Variants in RORA observed in about 807,000 individuals in gnomAD.
The protein encoded by RORA is RAR related orphan receptor A.
RORA carries 7 observed loss-of-function variants against 69.5 expected under a neutral mutation model. The ratio of observed to expected loss-of-function variants is 0.10; its 90% CI spans 0.06 to 0.19. The LOEUF is 0.19. Among genes scored for constraint, RORA ranks in the 10% least tolerant of loss-of-function variants. RORA has a pLI of 1.00. For missense variants in RORA, 457 were observed against 663.0 expected (o/e 0.69, Z 3.41); for synonymous variants, 261 against 240.8 (o/e 1.08, Z -0.78).
chr15:60,705,884 A>C (rs2071055940), intron 1 of RORA, among the ~76,000 whole-genome samples: 1 of 152,176 alleles, frequency 6.6e-6, no homozygotes. Flanking sequence ...TTTATATAGA[A>C]TCTTTCTCCA....
At chr15:60,802,252 C>T (rs945970930) in intron 1 of RORA, among the ~76,000 whole-genome samples, 56 of 152,188 alleles carry the variant, frequency 3.7e-4, no homozygotes, top group African/African-American at 1.3e-3. Flanking sequence ...TCCTCATCTG[C>T]GTATGTGAAT....
intron 2 of RORA, among the ~76,000 whole-genome samples, chr15:60,607,869 T>C (rs985450823): frequency 6.6e-6 from 1 of 152,240 alleles, no homozygotes; most frequent in Non-Finnish European, 1.5e-5. Flanking sequence ...AAGAAAGCCA[T>C]AGACACAACT....
chr15:60,722,186 T>C (rs183258701), intron 1 of RORA, among the ~76,000 whole-genome samples: 20 of 152,368 alleles, frequency 1.3e-4, no homozygotes, highest in African/African-American at 4.1e-4. Context: ...TTTATTTTCT[T>C]ATGTTCTGAA....
intron 1 of RORA, among the ~76,000 whole-genome samples, chr15:60,958,470 G>T (rs1430641638): frequency 6.6e-6 from 1 of 152,032 alleles, no homozygotes; most frequent in East Asian, 1.9e-4. Flanking sequence ...TATAAATTTT[G>T]CCCCTGAAAC....
At chr15:61,171,317 C>G (rs1470612531) in intron 1 of RORA, among the ~76,000 whole-genome samples, 1 of 152,102 alleles carries the variant, frequency 6.6e-6, no homozygotes, top group Non-Finnish European at 1.5e-5. Flanking sequence ...CAATGAGAGG[C>G]CTAAGTGCTT....
At chr15:61,145,968 A>T (rs1208741966) in intron 1 of RORA, among the ~76,000 whole-genome samples, 1 of 152,186 alleles carries the variant, frequency 6.6e-6, no homozygotes, top group African/African-American at 2.4e-5. Context: ...CTTCTCTCAA[A>T]CATCAGGACA....
At chr15:61,089,765 C>G (rs980902457) in intron 1 of RORA, among the ~76,000 whole-genome samples, 1 of 152,178 alleles carries the variant, frequency 6.6e-6, no homozygotes, top group African/African-American at 2.4e-5. Context: ...GCTCTGAAGT[C>G]CTGGGATTGG....
At chr15:60,779,174 A>C (rs752554829) in intron 1 of RORA, among the ~76,000 whole-genome samples, 2 of 152,222 alleles carry the variant, frequency 1.3e-5, no homozygotes, top group African/African-American at 2.4e-5. Context: ...TGCAAAGTGA[A>C]GGCTCATCAG....
At chr15:60,523,851 T>C (rs948574348) in intron 3 of RORA, among the ~76,000 whole-genome samples, 2 of 152,212 alleles carry the variant, frequency 1.3e-5, no homozygotes, top group African/African-American at 2.4e-5. Flanking sequence ...TTTAAATTTT[T>C]TGTAGAGGAG....
At chr15:61,193,834 T>C (rs28431994) in intron 1 of RORA, among the ~76,000 whole-genome samples, 4,106 of 152,314 alleles carry the variant, frequency 0.027, 196 homozygotes, top group African/African-American at 0.093. Flanking sequence ...CCCAGCTTAA[T>C]GCATTTCCAC....
chr15:60,661,255 T>C (rs1006219237), intron 2 of RORA, among the ~76,000 whole-genome samples: 1 of 152,132 alleles, frequency 6.6e-6, no homozygotes, highest in Non-Finnish European at 1.5e-5. Flanking sequence ...AGGCATGCAA[T>C]CGGATGTGCT....
chr15:60,517,110 C>CTTTTTTTTTTTTTTTTTTTTTTTTTTT lies in RORA; in HGVS notation c.283-2354_283-2353insAAAAAAAAAAAAAAAAAAAAAAAAAAA, dbSNP rs34707279. Among the ~76,000 whole-genome samples, 55 of 141,222 alleles carry CTTTTTTTTTTTTTTTTTTTTTTTTTTT rather than the reference C, an allele frequency of 3.9e-4. 2 individuals carry two copies. The highest frequency in any genetic ancestry group is 1.4e-3 in the African/African-American group (51 of 35,458). 92.6% of individuals were successfully genotyped at this position (141,222 alleles called of 152,430 possible). A position where few individuals can be genotyped will look rare whatever the true frequency, so the allele number is the denominator to read the frequency against. ...TTATTTTTCTTTTTGTTCATCTGTG[C>CTTTTTTTTTTTTTTTTTTTTTTTTTTT]TTTTTTTTTTTTTCCCCCCTACAAT... is the stretch of plus-strand genomic sequence containing the variant. On this transcript the variant is annotated intron_variant, in intron 3 of 10. Coordinates refer to ENST00000335670, the MANE Select transcript of RORA (RefSeq NM_134261.3).
chr15:60,874,351 G>T (rs139920363), intron 1 of RORA, among the ~76,000 whole-genome samples: 1 of 152,172 alleles, frequency 6.6e-6, no homozygotes. Flanking sequence ...TCTAGGTGCT[G>T]GGAATACAGC....
rs567194994 is a variant in RORA at position 60,701,207 on chromosome 15, TA to T, written c.167-22522del. 9.2e-5 allele frequency among the ~76,000 whole-genome samples: 14 copies of T among 152,360 alleles called. No homozygotes were observed. The East Asian group carries it at 2.7e-3, about 29-fold the overall frequency. ...GACAATATCTTTTATCTCTTGATCC[TA>T]AGCCCCTGCCATTGTGTCTGGCACA... On this transcript the variant is annotated intron_variant, in intron 1 of 10. Transcript: ENST00000335670.
intron 2 of RORA, among the ~76,000 whole-genome samples, chr15:60,551,317 A>G (rs1289212757): frequency 6.6e-6 from 1 of 151,998 alleles, no homozygotes; most frequent in African/African-American, 2.4e-5. Context: ...AATGACAGAT[A>G]ACAAGCAGAA....
chr15:61,032,587 G>C (rs1896230228), intron 1 of RORA, among the ~76,000 whole-genome samples: 1 of 152,080 alleles, frequency 6.6e-6, no homozygotes, highest in Admixed American at 6.6e-5. Flanking sequence ...TTGGACCAAG[G>C]GTGGATATTA....
At chr15:60,727,267 T>C (rs991338436) in intron 1 of RORA, among the ~76,000 whole-genome samples, 1 of 152,202 alleles carries the variant, frequency 6.6e-6, no homozygotes, top group African/African-American at 2.4e-5. Context: ...TGCAATTGCT[T>C]CCCTGTGCTC....
chr15:61,107,708 G>C (rs561662399), intron 1 of RORA, among the ~76,000 whole-genome samples: 2 of 151,620 alleles, frequency 1.3e-5, no homozygotes, highest in African/African-American at 2.4e-5. Flanking sequence ...GGCTCTTTTG[G>C]CCCTTGAATA....
At chr15:60,950,338 C>T (rs1162285075) in intron 1 of RORA, among the ~76,000 whole-genome samples, 1 of 133,142 alleles carries the variant, frequency 7.5e-6, no homozygotes, top group Non-Finnish European at 1.6e-5. Context: ...AAAATCATGC[C>T]AAAATGTAAA....
Sources: allele counts gnomAD v4.1 joint callset (sites outside exome capture counted in the v4.1 genomes callset), GRCh38; gene constraint gnomAD v4.1.1; transcripts MANE v1.5; gene names NCBI Gene and HGNC (gene_info 2026-07-23, HGNC 2026-07-21).